The following WEE1 variants were observed in gnomAD, a reference collection of about 807,000 sequenced individuals.
WEE1 encodes the protein WEE1 G2 checkpoint kinase.
In WEE1, 16 loss-of-function variants were observed where a neutral mutation model predicts 68.8. The ratio of observed to expected loss-of-function variants is 0.23; its 90% CI spans 0.16 to 0.35. The LOEUF (loss-of-function observed/expected upper bound fraction) is 0.35, where lower values mean the gene tolerates loss of function less well. Ranked by LOEUF, WEE1 falls within the 10% of genes least tolerant of loss-of-function variation. The pLI is 1.00. For missense variants in WEE1, 651 were observed against 824.1 expected, an observed-to-expected ratio of 0.79 and a Z score of 2.57; for synonymous variants, 349 against 318.7, an observed-to-expected ratio of 1.09 and a Z score of -1.01.
At chr11:9,580,006 T>A (rs1268640789) in intron 5 of WEE1, 1 of 152,160 alleles carries the variant, frequency 6.6e-6, no homozygotes, top group Non-Finnish European at 1.5e-5. Context: ...AATACAAACT[T>A]TAAAAGTTTG....
At chr11:9,575,808 G>A (rs891874860) in intron 1 of WEE1, 80 bp from the exon 2 acceptor site, 23 of 1,250,428 alleles carry the variant, frequency 1.8e-5, no homozygotes, top group Admixed American at 9.7e-5. Context: ...CCCTATGAAA[G>A]GCTCGTTGAA....
chr11:9,581,481 AAG>A (rs756673997), intron 5 of WEE1, 49 bp from the exon 6 acceptor site: 8 of 1,535,822 alleles, frequency 5.2e-6, no homozygotes, highest in Non-Finnish European at 7.0e-6. Flanking sequence ...AGATGGAAGA[AAG>A]AAAATATTTC....
Position 9,574,436 on chromosome 11 carries a change from C to G in WEE1, c.503C>G (p.Pro168Arg). 8.2e-7 allele frequency: 1 copy of G among 1,220,500 alleles called. No individual in the cohort carries two copies. The highest frequency in any genetic ancestry group is 1.0e-6 in the Non-Finnish European group (1 of 986,022). 75.6% of individuals were successfully genotyped at this position (1,220,500 alleles called of 1,614,324 possible). A position where few individuals can be genotyped will look rare whatever the true frequency, so the allele number is the denominator to read the frequency against. The change falls in exon 1 of 11, where the codon CCG becomes CGG. Residue 168 changes from proline (P) to arginine (R), a missense_variant. Coordinates refer to ENST00000450114, the MANE Select transcript of WEE1 (RefSeq NM_003390.4). This position sits in a 1 kb window ranked among gnomAD's most constrained non-coding sequence, Gnocchi z 4.9. ...GGCGAAGGCCGCCGCTCGCCGCGGC[C>G]GGACCACCCGGGCACCCCGCCACAC... ...RAGEGRRSPR[P>R]DHPGTPPHKT... is the part of the protein sequence containing the mutation.
rs535171306 is a variant in WEE1 at position 9,589,255 on chromosome 11, A to T, written c.*653A>T. 187 of 983,320 alleles carry T rather than the reference A, an allele frequency of 1.9e-4. No individual in the cohort carries two copies. In the Middle Eastern group the frequency reaches 2.1e-3, roughly 11 times the overall value. The allele number at this position is 983,320 out of a possible 1,614,324, so 60.9% of individuals were successfully genotyped here. On this transcript the variant is annotated 3_prime_UTR_variant, in exon 11 of 11. Transcript: ENST00000450114. ...TATGTGAAATGTATAGCTGCTTTTGATGAAAAGCAGCTATTTGCCTTTTTT... is the reference window on the plus strand; with the variant it reads ...TATGTGAAATGTATAGCTGCTTTTGTTGAAAAGCAGCTATTTGCCTTTTTT...
At position 9,576,686 on chromosome 11, in the gene WEE1, C is replaced by T. The variant is rs1166287126; in HGVS notation, c.1019+27C>T. On this transcript the variant is annotated intron_variant, in intron 4 of 10. Transcript: ENST00000450114. The surrounding 1 kb of genome is among the most constrained non-coding windows in gnomAD (Gnocchi z 4.3). ...TATGTATTAAACATTTTGTCTTTTG[C>T]TCTTTTGTCCCCTATGGTGTTACTA... 1.3e-6 allele frequency: 2 copies of T among 1,596,868 alleles called. No individual in the cohort carries two copies. The highest frequency in any genetic ancestry group is 2.7e-5 in the African/African-American group (2 of 74,014).
intron 6 of WEE1, among the ~76,000 whole-genome samples, chr11:9,584,720 T>C (rs1276210207): frequency 2.0e-5 from 3 of 152,180 alleles, no homozygotes; most frequent in Non-Finnish European, 4.4e-5. Flanking sequence ...TGAAGGGTAA[T>C]GTGCTAGAAG....
chr11:9,583,433 G>C (rs889573320), intron 6 of WEE1, among the ~76,000 whole-genome samples: 1 of 151,630 alleles, frequency 6.6e-6, no homozygotes, highest in East Asian at 2.0e-4. Flanking sequence ...TGGACAACAC[G>C]GTGAAACCTC....
At position 9,574,156 on chromosome 11, in the gene WEE1, C is replaced by A; in HGVS notation, c.223C>A (p.Arg75Ser). ...GAGCCCCACGGAGCCCGGGCCCGAG[C>A]GCCGCCGCTCGCCCGGGCCGGCCCC... ...ARSPTEPGPERRRSPGPAPGS... is the reference protein window; with the variant it reads ...ARSPTEPGPESRRSPGPAPGS... The change falls in exon 1 of 11, where the codon CGC becomes AGC. Residue 75 changes from arginine to serine, a missense_variant. Physicochemically the swap from Arg to Ser is moderately radical, Grantham distance 110. Transcript: ENST00000450114. This position sits in a 1 kb window ranked among gnomAD's most constrained non-coding sequence, Gnocchi z 4.9. 8.4e-7 allele frequency: 1 copy of A among 1,188,032 alleles called. No homozygotes were observed. The allele number at this position is 1,188,032 out of a possible 1,614,324, so 73.6% of individuals were successfully genotyped here.
chr11:9,582,151 A>G (rs1319001329), intron 6 of WEE1, among the ~76,000 whole-genome samples: 2 of 152,272 alleles, frequency 1.3e-5, no homozygotes, highest in Non-Finnish European at 2.9e-5. Context: ...GCCAGACCAT[A>G]TTAAAATTTC....
Position 9,576,380 on chromosome 11 carries a change from A to G in WEE1, c.846+87A>G, listed in dbSNP as rs564887125. 3.6e-5 allele frequency: 55 copies of G among 1,544,618 alleles called. No individual in the cohort carries two copies. In the African/African-American group the frequency reaches 6.1e-4, roughly 17 times the overall value. On this transcript the variant is annotated intron_variant, in intron 3 of 10. Coordinates refer to ENST00000450114, the MANE Select transcript of WEE1 (RefSeq NM_003390.4). This position sits in a 1 kb window ranked among gnomAD's most constrained non-coding sequence, Gnocchi z 4.3. Reference sequence around the variant, plus strand: ...TGAATATGTTAATAAGCATTAACACATAAGGTAGAATGGTTTTTAAATTTC... The same window carrying G: ...TGAATATGTTAATAAGCATTAACACGTAAGGTAGAATGGTTTTTAAATTTC...
rs558312943 is a variant in WEE1 at position 9,581,694 on chromosome 11, C to A, written c.1288+16C>A. 6.3e-7 allele frequency: 1 copy of A among 1,599,976 alleles called. No homozygotes were observed. The highest frequency in any genetic ancestry group is 1.1e-5 in the South Asian group (1 of 88,230). On this transcript the variant is annotated intron_variant, in intron 6 of 10. Transcript: ENST00000450114. ...ATAAAACCTAGTAAGTATTGCAGATCTTCTGACCTGTGTTCTTTGGGGTTA... is the reference window on the plus strand; with the variant it reads ...ATAAAACCTAGTAAGTATTGCAGATATTCTGACCTGTGTTCTTTGGGGTTA...
chr11:9,584,198 C>G (rs1288578502), intron 6 of WEE1, among the ~76,000 whole-genome samples: 1 of 152,028 alleles, frequency 6.6e-6, no homozygotes, highest in Non-Finnish European at 1.5e-5. Context: ...TGCAGTGGTG[C>G]AATTATAGCT....
intron 5 of WEE1, chr11:9,580,363 GTTAT>G (rs1171712586): frequency 1.3e-5 from 2 of 151,586 alleles, no homozygotes; most frequent in Non-Finnish European, 2.9e-5. Flanking sequence ...AATGTACAAG[GTTAT>G]TTATTAGGCC....
chr11:9,578,557 A>G (rs1410284012), intron 5 of WEE1: 1 of 152,196 alleles, frequency 6.6e-6, no homozygotes, highest in East Asian at 1.9e-4. Flanking sequence ...TTTTTCAGGT[A>G]TTGCATTTAA....
intron 6 of WEE1, among the ~76,000 whole-genome samples, chr11:9,583,334 G>A (rs1420423984): frequency 2.0e-5 from 3 of 150,444 alleles, no homozygotes; most frequent in Admixed American, 6.6e-5. Flanking sequence ...AAAAAAATTC[G>A]CCGGGCGTGG....
In WEE1 at chr11:9,573,979, G is replaced by C; in HGVS notation, c.46G>C (p.Gly16Arg). Reference protein sequence around the residue: ...RQQPPPPRRAGAACTLRQKLI... With the variant: ...RQQPPPPRRARAACTLRQKLI... ...GCAGCCGCCGCCACCCCGCCGCGCC[G>C]GGGCGGCCTGCACCTTGCGGCAGAA... The change falls in exon 1 of 11, where the codon GGG (glycine) becomes CGG (arginine). Residue 16 changes from glycine (G) to arginine (R), a missense_variant. By Grantham distance (125) the Gly-to-Arg change is moderately radical. Around this residue, in one of 5 missense-constraint regions of WEE1, gnomAD observed 395 missense variants for 378.4 expected, o/e 1.04. Transcript: ENST00000450114. 1 of 1,293,320 alleles carries C rather than the reference G, an allele frequency of 7.7e-7. No individual in the cohort carries two copies. Among genetic ancestry groups the C allele is most frequent in the African/African-American group, 1.5e-5 (1 of 64,530 alleles). The allele number at this position is 1,293,320 out of a possible 1,614,324, so 80.1% of individuals were successfully genotyped here. A position where few individuals can be genotyped will look rare whatever the true frequency, so the allele number is the denominator to read the frequency against.
Position 9,586,503 on chromosome 11 carries a change from T to C in WEE1, c.1525T>C (p.Cys509Arg), listed in dbSNP as rs759817943. 3.1e-6 allele frequency: 5 copies of C among 1,614,156 alleles called. No individual in the cohort carries two copies. In the East Asian group the frequency reaches 8.9e-5, roughly 29 times the overall value. Reference sequence around the variant, plus strand: ...TTTTGCGCTTGCCCTCACAGTGGTATGTGCTGCTGGTGCTGAACCTCTTCC... The same window carrying C: ...TTTTGCGCTTGCCCTCACAGTGGTACGTGCTGCTGGTGCTGAACCTCTTCC... ...DIFALALTVV[C>R]AAGAEPLPRN... Residue 509 changes from cysteine to arginine, a missense_variant, in exon 9 of 11, where the codon TGT becomes CGT. Cys to Arg is a radical substitution (Grantham distance 180). This residue lies in a region of WEE1 where 18 missense variants were observed against 54.3 expected (regional missense o/e 0.33). Transcript: ENST00000450114.
At chr11:9,577,100 T>C in intron 4 of WEE1, 42 bp from the exon 5 acceptor site, 1 of 1,575,568 alleles carries the variant, frequency 6.3e-7, no homozygotes, top group East Asian at 2.3e-5. Context: ...TAAGCTTGAG[T>C]GAAAATTATT....
chr11:9,586,815 A>G lies in WEE1; in HGVS notation c.1746A>G (p.Ile582Met), dbSNP rs1849705276. ...GAAAGAGTGCAGAACAATTACGAAT[A>G]GAATTGAATGCCGAAAAGTTCAAAA... ...ASRKSAEQLRIELNAEKFKNS... is the reference protein window; with the variant it reads ...ASRKSAEQLRMELNAEKFKNS... Residue 582 changes from isoleucine to methionine, a missense_variant, in exon 10 of 11, where the codon ATA becomes ATG. This residue lies in a region of WEE1 where 115 missense variants were observed against 142.7 expected (regional missense o/e 0.81). Transcript: ENST00000450114. 6.2e-7 allele frequency: 1 copy of G among 1,612,432 alleles called. No homozygotes were observed.
Sources: gnomAD v4.1 joint callset for allele counts (sites outside exome capture counted in the v4.1 genomes callset) on GRCh38, gnomAD v4.1.1 for gene constraint, gnomAD v4.1.1 regional missense constraint, Gnocchi (gnomAD v3.1) non-coding constraint, MANE v1.5 for transcripts, NCBI Gene and HGNC (gene_info 2026-07-23, HGNC 2026-07-21) for gene names.